ARHGAP44: variants seen among roughly 807,000 people sequenced by gnomAD.
ARHGAP44 encodes the protein rho GTPase-activating protein 44.
ARHGAP44 carries 43 observed loss-of-function variants against 106.8 expected under a neutral mutation model. That is an observed-to-expected ratio of 0.40 (90% confidence interval 0.32 to 0.52). The LOEUF is 0.52. Ranked by LOEUF, ARHGAP44 falls within the 20% of genes least tolerant of loss-of-function variation. The probability of loss-of-function intolerance (pLI) is 0.48; values close to 1 mark genes in which losing one functional copy is unlikely to be tolerated. For synonymous variants in ARHGAP44, 439 were observed against 410.3 expected, an observed-to-expected ratio of 1.07 and a Z score of -0.85; for missense variants, 866 against 1,050.5, an observed-to-expected ratio of 0.82 and a Z score of 2.43.
intron 1 of ARHGAP44, among the ~76,000 whole-genome samples, chr17:12,847,849 CA>C (rs1270906369): frequency 6.6e-6 from 1 of 152,106 alleles, no homozygotes; most frequent in East Asian, 1.9e-4. Flanking sequence ...CTCTATTTTT[CA>C]AAAAGTAAAT....
intron 1 of ARHGAP44, among the ~76,000 whole-genome samples, chr17:12,808,124 G>A (rs1462067675): frequency 6.6e-6 from 1 of 152,234 alleles, no homozygotes; most frequent in Non-Finnish European, 1.5e-5. Flanking sequence ...TGCAACAGGT[G>A]GGCTCCCACA....
chr17:12,839,394 A>T (rs1264486129), intron 1 of ARHGAP44, among the ~76,000 whole-genome samples: 1 of 152,112 alleles, frequency 6.6e-6, no homozygotes, highest in African/African-American at 2.4e-5. Context: ...ATATCCTGTG[A>T]GCTTTATTAG....
At chr17:12,906,622 A>G (rs1421258779) in intron 3 of ARHGAP44, among the ~76,000 whole-genome samples, 1 of 152,182 alleles carries the variant, frequency 6.6e-6, no homozygotes, top group Non-Finnish European at 1.5e-5. Flanking sequence ...GATGTTTATT[A>G]TTTATCTTCA....
chr17:12,965,529 T>A (rs1376109906), intron 16 of ARHGAP44, among the ~76,000 whole-genome samples: 1 of 152,180 alleles, frequency 6.6e-6, no homozygotes, highest in Admixed American at 6.5e-5. Flanking sequence ...TCTAGAATAA[T>A]TCGAACTGTG....
chr17:12,974,216 C>T lies in ARHGAP44; in HGVS notation c.1669C>T (p.Pro557Ser), dbSNP rs1230746418. 6.5e-7 allele frequency: 1 copy of T among 1,546,802 alleles called. No individual in the cohort carries two copies. Among genetic ancestry groups the T allele is most frequent in the Non-Finnish European group, 8.7e-7 (1 of 1,145,758 alleles). The change falls in exon 18 of 21, where the codon CCT becomes TCT. Residue 557 changes from proline (P) to serine (S), a missense_variant. Transcript: ENST00000379672. ...APPAELAAPL[P>S]SPLPEQPLDS... The stretch of plus-strand genomic sequence containing the variant: ...GCCCGCCGAGCTGGCTGCGCCCCTG[C>T]CTTCGCCGCTGCCGGAGCAGCCCCT...
intron 1 of ARHGAP44, among the ~76,000 whole-genome samples, chr17:12,867,046 C>G (rs1333171816): frequency 6.6e-6 from 1 of 151,668 alleles, no homozygotes; most frequent in South Asian, 2.1e-4. Context: ...TTCTGATCTT[C>G]TATAACAGTG....
rs142814685 is a variant in ARHGAP44 at position 12,892,793 on chromosome 17, G to GT, written c.54-2135dup. On this transcript the variant is annotated intron_variant, in intron 1 of 20. Coordinates refer to ENST00000379672, the MANE Select transcript of ARHGAP44 (RefSeq NM_014859.6). ...TTCTGCTGTTGAACCCATCAACTGA[G>GT]TTTTTTTTTTTTGTCAATTAGATTG... Among the ~76,000 whole-genome samples the GT allele has an allele frequency of 9.2e-4, 125 of 135,142 alleles. 1 individual carries two copies. The highest frequency in any genetic ancestry group is 3.8e-3 in the Middle Eastern group (1 of 260). The allele number at this position is 135,142 out of a possible 152,430, so 88.7% of individuals were successfully genotyped here. A position where few individuals can be genotyped will look rare whatever the true frequency, so the allele number is the denominator to read the frequency against.
chr17:12,854,650 C>T (rs1048467439), intron 1 of ARHGAP44, among the ~76,000 whole-genome samples: 1 of 152,046 alleles, frequency 6.6e-6, no homozygotes, highest in Admixed American at 6.5e-5. Flanking sequence ...GATATGAACC[C>T]GTTATGCCAA....
chr17:12,896,775 C>T (rs1051777103), intron 3 of ARHGAP44, among the ~76,000 whole-genome samples: 1 of 152,188 alleles, frequency 6.6e-6, no homozygotes, highest in African/African-American at 2.4e-5. Context: ...CTTGGAGCAA[C>T]TGGGAAGACG....
intron 16 of ARHGAP44, among the ~76,000 whole-genome samples, chr17:12,972,076 G>C (rs555067009): frequency 6.6e-6 from 1 of 152,178 alleles, no homozygotes; most frequent in Admixed American, 6.5e-5. Context: ...TTGTGCTTCT[G>C]ACTAGTGTAG....
At chr17:12,942,719 C>T (rs1333051193) in intron 8 of ARHGAP44, among the ~76,000 whole-genome samples, 1 of 152,172 alleles carries the variant, frequency 6.6e-6, no homozygotes, top group Non-Finnish European at 1.5e-5. Flanking sequence ...GATTAATTTC[C>T]TCTGTTTTCC....
chr17:12,881,440 C>T (rs1237026822), intron 1 of ARHGAP44, among the ~76,000 whole-genome samples: 2 of 152,076 alleles, frequency 1.3e-5, no homozygotes, highest in East Asian at 3.9e-4. Context: ...TCCTCTTCCT[C>T]TCCCCCAATC....
chr17:12,924,603 A>AC (rs1224805854), intron 6 of ARHGAP44, among the ~76,000 whole-genome samples: 1 of 152,040 alleles, frequency 6.6e-6, no homozygotes, highest in African/African-American at 2.4e-5. Context: ...TGAAGCGCTA[A>AC]CCCCCAATGC....
chr17:12,893,269 C>T (rs1468925986), intron 1 of ARHGAP44, among the ~76,000 whole-genome samples: 1 of 152,114 alleles, frequency 6.6e-6, no homozygotes, highest in Non-Finnish European at 1.5e-5. Context: ...TCCACTGATA[C>T]CTCAGTGGCT....
At chr17:12,859,544 G>A (rs556903786) in intron 1 of ARHGAP44, among the ~76,000 whole-genome samples, 5 of 152,254 alleles carry the variant, frequency 3.3e-5, no homozygotes, top group South Asian at 4.1e-4. Context: ...TTGGTTTGGC[G>A]CTGGGGCCTA....
chr17:12,965,633 A>T (rs904644310), intron 16 of ARHGAP44, among the ~76,000 whole-genome samples: 3 of 152,206 alleles, frequency 2.0e-5, no homozygotes, highest in Non-Finnish European at 4.4e-5. Context: ...GAAGCACATG[A>T]TCAACACATT....
At chr17:12,811,578 C>T (rs560415237) in intron 1 of ARHGAP44, among the ~76,000 whole-genome samples, 1 of 152,212 alleles carries the variant, frequency 6.6e-6, no homozygotes, top group Non-Finnish European at 1.5e-5. Flanking sequence ...CAGTTCCAGC[C>T]TGTGTTGTTC....
intron 19 of ARHGAP44, among the ~76,000 whole-genome samples, 165 bp downstream of exon 19, chr17:12,980,398 CTAT>C (rs1283031475): frequency 2.0e-5 from 3 of 152,220 alleles, no homozygotes; most frequent in African/African-American, 7.2e-5. Flanking sequence ...GATCCTTTCT[CTAT>C]TATTCCTCAG....
chr17:12,937,659 A>C (rs1203721268), intron 7 of ARHGAP44, among the ~76,000 whole-genome samples: 2 of 152,186 alleles, frequency 1.3e-5, no homozygotes, highest in South Asian at 4.1e-4. Flanking sequence ...TTTACCTGTT[A>C]GTACTGACTT....
Sources: allele counts gnomAD v4.1 joint callset (sites outside exome capture counted in the v4.1 genomes callset), GRCh38; gene constraint gnomAD v4.1.1; transcripts MANE v1.5; gene names NCBI Gene and HGNC (gene_info 2026-07-23, HGNC 2026-07-21).